The following TRIM68 variants were observed in gnomAD, a reference collection of about 807,000 sequenced individuals.
The protein encoded by TRIM68 is E3 ubiquitin-protein ligase TRIM68.
Under a neutral mutation model 41.9 loss-of-function variants are expected in TRIM68, and 36 were observed. That is an observed-to-expected ratio of 0.86 (90% CI 0.66 to 1.14). TRIM68 has a LOEUF of 1.14. Among genes scored for constraint, TRIM68 ranks in the 50% most tolerant of loss-of-function variants. The pLI is 0.00. For missense variants in TRIM68, 632 were observed against 605.1 expected (o/e 1.04, Z -0.47); for synonymous variants, 225 against 224.6 (o/e 1.00, Z -0.02).
chr11:4,600,913 C>G, intron 6 of TRIM68, 87 bp from the exon 7 acceptor site: 1 of 1,572,778 alleles, frequency 6.4e-7, no homozygotes, highest in Non-Finnish European at 8.7e-7. Flanking sequence ...CCACAGATTT[C>G]TCAATGATGA....
At position 4,605,214 on chromosome 11, in the gene TRIM68, C is replaced by G; in HGVS notation, c.291G>C (p.Leu97=). The stretch of plus-strand genomic sequence containing the variant: ...TCAGCTTTTCCCCATGGCGCTCACA[C>G]AGGTCACCCTTCAGCCCCATTCCTG... The part of the protein sequence containing the change: ...LHPGMGLKGD[L]CERHGEKLKM... The change falls in exon 2 of 7, where the codon CTG becomes CTC. Residue 97 remains leucine, a synonymous_variant. Transcript: ENST00000300747. The G allele has an allele frequency of 6.2e-7, 1 of 1,614,270 alleles. No homozygotes were observed. Among genetic ancestry groups the G allele is most frequent in the South Asian group, 1.1e-5 (1 of 91,088 alleles).
In TRIM68 at chr11:4,601,043, G is replaced by T. The variant is rs1386553906; in HGVS notation, c.891C>A (p.Ile297=). The change falls in exon 6 of 7, where the codon ATC becomes ATA. Residue 297 remains isoleucine (I), a synonymous_variant. Transcript: ENST00000300747. ...TDCRVLGLRE[I]LKTYAADVRL... is the part of the protein sequence containing the mutation. ...ATCCATTACCTGCATAAGTCTTCAG[G>T]ATCTCTCTTAGCCCCAGCACACGGC... 4 of 1,614,088 alleles carry T rather than the reference G, an allele frequency of 2.5e-6. No homozygotes were observed. Among genetic ancestry groups the T allele is most frequent in the Middle Eastern group, 1.6e-4 (1 of 6,062 alleles).
chr11:4,600,092 T>G lies in TRIM68; in HGVS notation c.*184A>C. The G allele has an allele frequency of 1.8e-6, 1 of 566,382 alleles. No individual in the cohort carries two copies. Among genetic ancestry groups the G allele is most frequent in the South Asian group, 3.3e-5 (1 of 30,320 alleles). 35.1% of individuals were successfully genotyped at this position (566,382 alleles called of 1,614,324 possible). A position where few individuals can be genotyped will look rare whatever the true frequency, so the allele number is the denominator to read the frequency against. The stretch of plus-strand genomic sequence containing the variant: ...ATGCTCATTTGACTGGGCCTCTGCT[T>G]TTTAAAATAAGTGGTTTCATGACAG... On this transcript the variant is annotated 3_prime_UTR_variant, in exon 7 of 7. Transcript: ENST00000300747.
At chr11:4,607,811 CTG>C (rs1395802057) in intron 1 of TRIM68, among the ~76,000 whole-genome samples, 12 of 152,278 alleles carry the variant, frequency 7.9e-5, no homozygotes, top group African/African-American at 2.6e-4. Context: ...CAGCGAGAGT[CTG>C]AGAAGGGCAT....
At chr11:4,602,086 T>C (rs748989735) in intron 4 of TRIM68, 66 bp downstream of exon 4, 18 of 1,602,536 alleles carry the variant, frequency 1.1e-5, no homozygotes, top group Non-Finnish European at 1.5e-5. Context: ...TAACTGATGC[T>C]CTCTCCTGGA....
intron 5 of TRIM68, 59 bp from the exon 6 acceptor site, chr11:4,601,186 T>C (rs1846484781): frequency 7.5e-7 from 1 of 1,325,354 alleles, no homozygotes; most frequent in Admixed American, 1.7e-5. Context: ...ATGGGCCTTA[T>C]CTTAGTACAG....
At chr11:4,601,967 A>C in intron 4 of TRIM68, 185 bp downstream of exon 4, 1 of 908,250 alleles carries the variant, frequency 1.1e-6, no homozygotes, top group South Asian at 1.7e-5. Context: ...ATGATGCTAC[A>C]ACAGACCAGG....
chr11:4,600,485 G>A lies in TRIM68; in HGVS notation c.1249C>T (p.Pro417Ser), dbSNP rs1407807049. The A allele has an allele frequency of 1.2e-6, 2 of 1,613,446 alleles. No homozygotes were observed. The highest frequency in any genetic ancestry group is 1.7e-6 in the Non-Finnish European group (2 of 1,179,718). The change falls in exon 7 of 7, where the codon CCG becomes TCG. Residue 417 changes from proline to serine, a missense_variant. Physicochemically the swap from Pro to Ser is moderately conservative, Grantham distance 74. Coordinates refer to ENST00000300747, the MANE Select transcript of TRIM68 (RefSeq NM_018073.8). ...GTDEYPILSL[P>S]VPPRRVGIFV... Reference sequence around the variant, plus strand: ...ATTCCCACCCGGCGAGGAGGGACCGGCAAGGACAGGATTGGGTACTCATCG... The same window carrying A: ...ATTCCCACCCGGCGAGGAGGGACCGACAAGGACAGGATTGGGTACTCATCG...
chr11:4,605,038 G>C (rs1397833311), intron 2 of TRIM68, 41 bp downstream of exon 2: 2 of 1,594,168 alleles, frequency 1.3e-6, no homozygotes, highest in East Asian at 4.5e-5. Flanking sequence ...AGCCAACTTG[G>C]GGCCGGGGTT....
chr11:4,605,754 G>C (rs554902582), intron 1 of TRIM68, among the ~76,000 whole-genome samples, 193 bp from the exon 2 acceptor site: 46 of 152,296 alleles, frequency 3.0e-4, no homozygotes, highest in African/African-American at 9.9e-4. Context: ...ATACCATGAA[G>C]GGGATAATGG....
At position 4,601,837 on chromosome 11, in the gene TRIM68, G is replaced by A. The variant is rs1589848696; in HGVS notation, c.784-151C>T. The A allele has an allele frequency of 3.1e-6, 3 of 954,094 alleles. 1 individual carries two copies. The highest frequency in any genetic ancestry group is 3.0e-5 in the South Asian group (2 of 67,460). The allele number at this position is 954,094 out of a possible 1,614,324, so 59.1% of individuals were successfully genotyped here. On this transcript the variant is annotated intron_variant, in intron 4 of 6. Coordinates refer to ENST00000300747, the MANE Select transcript of TRIM68 (RefSeq NM_018073.8). ...CAGAGGTAAGGAGAAGCCTATGGAA[G>A]GATGGAAGAGCAGGCTGAGCTTTGG...
chr11:4,606,388 A>T (rs1385878737), intron 1 of TRIM68, among the ~76,000 whole-genome samples: 1 of 152,204 alleles, frequency 6.6e-6, no homozygotes, highest in Non-Finnish European at 1.5e-5. Flanking sequence ...ATATTTATTC[A>T]TTCACTTTGC....
At chr11:4,607,748 A>G (rs556954706) in intron 1 of TRIM68, among the ~76,000 whole-genome samples, 13 of 152,362 alleles carry the variant, frequency 8.5e-5, no homozygotes, top group African/African-American at 2.4e-4. Context: ...TTACTTTGAG[A>G]AAATTCAAAT....
At position 4,600,263 on chromosome 11, in the gene TRIM68, G is replaced by T; in HGVS notation, c.*13C>A. The T allele has an allele frequency of 6.4e-7, 1 of 1,557,014 alleles. No individual in the cohort carries two copies. Among genetic ancestry groups the T allele is most frequent in the Non-Finnish European group, 8.7e-7 (1 of 1,152,636 alleles). The stretch of plus-strand genomic sequence containing the variant: ...CCCAATTCCAAGCCTCTCTGGTTAG[G>T]GTGGTAGCTTTCTTAGTCCTCCCCA... On this transcript the variant is annotated 3_prime_UTR_variant, in exon 7 of 7. Transcript: ENST00000300747.
At chr11:4,601,302 C>G in intron 5 of TRIM68, 175 bp from the exon 6 acceptor site, 1 of 621,388 alleles carries the variant, frequency 1.6e-6, no homozygotes, top group Non-Finnish European at 2.9e-6. Context: ...GAGGTGAGAA[C>G]ACCTGCATGC....
chr11:4,603,696 G>A (rs1242783397), intron 2 of TRIM68, among the ~76,000 whole-genome samples: 1 of 152,192 alleles, frequency 6.6e-6, no homozygotes, highest in Non-Finnish European at 1.5e-5. Flanking sequence ...TGTGGTTCAA[G>A]TGGATCAGCA....
chr11:4,600,706 C>A lies in TRIM68; in HGVS notation c.1028G>T (p.Arg343Leu), dbSNP rs747273602. 1 of 1,614,144 alleles carries A rather than the reference C, an allele frequency of 6.2e-7. No individual in the cohort carries two copies. Among genetic ancestry groups the A allele is most frequent in the Non-Finnish European group, 8.5e-7 (1 of 1,180,040 alleles). The stretch of plus-strand genomic sequence containing the variant: ...CTGGCTTCCCAGGACGATATTATAG[C>A]GGTAAAATCTCTCAGGATTGTCTGG... ...KLPDNPERFY[R>L]YNIVLGSQCI... The change falls in exon 7 of 7, where the codon CGC (arginine) becomes CTC (leucine). Residue 343 changes from arginine to leucine, a missense_variant. Physicochemically the swap from Arg to Leu is moderately radical, Grantham distance 102. Transcript: ENST00000300747.
chr11:4,604,860 T>C (rs7951178), intron 2 of TRIM68, among the ~76,000 whole-genome samples: 9,649 of 152,246 alleles, frequency 0.063, 959 homozygotes, highest in African/African-American at 0.22. Context: ...TGAGCCCTGT[T>C]AGGATGTAGG....
chr11:4,601,833 G>A (rs1846494056), intron 4 of TRIM68, 147 bp from the exon 5 acceptor site: 1 of 960,554 alleles, frequency 1.0e-6, no homozygotes, highest in Admixed American at 2.0e-5. Context: ...AGAAGCCTAT[G>A]GAAGGATGGA....
Sources: allele counts gnomAD v4.1 joint callset (sites outside exome capture counted in the v4.1 genomes callset), GRCh38; gene constraint gnomAD v4.1.1; transcripts MANE v1.5; gene names NCBI Gene and HGNC (gene_info 2026-07-23, HGNC 2026-07-21).